The following GAK variants were observed in gnomAD, a reference collection of about 807,000 sequenced individuals.
GAK encodes the protein cyclin G associated kinase.
GAK carries 79 observed loss-of-function variants against 143.9 expected under a neutral mutation model. The observed-to-expected ratio is 0.55, with a 90% CI of 0.46 to 0.66. GAK has a LOEUF of 0.66. Among genes scored for constraint, GAK ranks in the 30% least tolerant of loss-of-function variants. The probability of loss-of-function intolerance (pLI) is 0.00; values close to 1 mark genes in which losing one functional copy is unlikely to be tolerated. For missense variants in GAK, 1,693 were observed against 1,779.7 expected, an observed-to-expected ratio of 0.95 and a Z score of 0.88; for synonymous variants, 881 against 765.5, an observed-to-expected ratio of 1.15 and a Z score of -2.49.
chr4:870,391 CAT>C (rs925979856), intron 19 of GAK, among the ~76,000 whole-genome samples: 4 of 152,224 alleles, frequency 2.6e-5, no homozygotes, highest in African/African-American at 9.7e-5. Context: ...GTCCAGCACA[CAT>C]GACAAAAATC....
intron 25 of GAK, chr4:851,315 T>A: frequency 2.2e-6 from 1 of 454,846 alleles, no homozygotes; most frequent in Non-Finnish European, 4.0e-6. Flanking sequence ...AAGCTGGTCT[T>A]GAACTCCTGG....
chr4:892,176 G>A lies in GAK; in HGVS notation c.990+1201C>T, dbSNP rs115124874. The stretch of plus-strand genomic sequence containing the variant: ...GCAGCAGCTCTGACCTTCTCCCCAC[G>A]CTCCACACCCACCGCCTGGGTCAGC... On this transcript the variant is annotated intron_variant, in intron 9 of 27. Coordinates refer to ENST00000314167, the MANE Select transcript of GAK (RefSeq NM_005255.4). Among the ~76,000 whole-genome samples, 1,464 of 152,226 alleles carry A rather than the reference G, an allele frequency of 9.6e-3. 20 individuals are homozygous for A. Among genetic ancestry groups the A allele is most frequent in the African/African-American group, 0.034 (1,392 of 41,534 alleles).
chr4:896,992 C>G (rs570535626), intron 6 of GAK, among the ~76,000 whole-genome samples: 3 of 152,198 alleles, frequency 2.0e-5, no homozygotes, highest in Admixed American at 6.5e-5. Context: ...CAAGCTCACC[C>G]GACTGGTTCA....
In GAK at chr4:851,985, G is replaced by T; in HGVS notation, c.3284-11C>A. 1 of 1,608,250 alleles carries T rather than the reference G, an allele frequency of 6.2e-7. No individual in the cohort carries two copies. Among genetic ancestry groups the T allele is most frequent in the Non-Finnish European group, 8.5e-7 (1 of 1,176,166 alleles). On this transcript the variant is annotated splice_polypyrimidine_tract_variant and intron_variant, in intron 24 of 27. Transcript: ENST00000314167. Reference sequence around the variant, plus strand: ...ATCCAGCTGGTGAGCCTGTGGAGATGGAGATCGGAAACTCGGCATCTGGTT... The same window carrying T: ...ATCCAGCTGGTGAGCCTGTGGAGATTGAGATCGGAAACTCGGCATCTGGTT...
intron 24 of GAK, among the ~76,000 whole-genome samples, chr4:858,664 A>T (rs971295929): frequency 1.3e-5 from 2 of 152,276 alleles, no homozygotes; most frequent in Non-Finnish European, 2.9e-5. Flanking sequence ...AACTCTTGGG[A>T]CTTCATGACA....
At chr4:891,614 T>C (rs946971118) in intron 9 of GAK, among the ~76,000 whole-genome samples, 1 of 151,884 alleles carries the variant, frequency 6.6e-6, no homozygotes, top group African/African-American at 2.4e-5. Context: ...CCCCGCCCCA[T>C]CACTAGGGGC....
Position 901,079 on chromosome 4 carries a change from C to T in GAK, c.526-2921G>A, listed in dbSNP as rs367785617. On this transcript the variant is annotated intron_variant, in intron 5 of 27. Transcript: ENST00000314167. ...ATTTTCAAAATCTACGTGAAGACACCTGTGCTATAAAGTAGGAGTGTACAG... is the reference window on the plus strand; with the variant it reads ...ATTTTCAAAATCTACGTGAAGACACTTGTGCTATAAAGTAGGAGTGTACAG... 3.3e-5 allele frequency among the ~76,000 whole-genome samples: 5 copies of T among 152,362 alleles called. No homozygotes were observed. In the East Asian group the frequency reaches 7.7e-4, roughly 23 times the overall value.
intron 14 of GAK, 79 bp downstream of exon 14, chr4:882,618 C>A (rs1412644632): frequency 2.0e-6 from 3 of 1,534,126 alleles, no homozygotes; most frequent in East Asian, 2.3e-5. Context: ...TCATGACTGG[C>A]GCTCAGATCC....
chr4:877,593 G>A (rs1322664884), intron 16 of GAK, 22 bp downstream of exon 16: 10 of 1,553,460 alleles, frequency 6.4e-6, no homozygotes, highest in Middle Eastern at 1.7e-4. Flanking sequence ...GGAGCACAGC[G>A]TGGGGCTGCA....
In GAK at chr4:851,994, A is replaced by G. The variant is rs758315487; in HGVS notation, c.3284-20T>C. ...GTGAGCCTGTGGAGATGGAGATCGG[A>G]AACTCGGCATCTGGTTGTCCATGAG... On this transcript the variant is annotated intron_variant, in intron 24 of 27. Coordinates refer to ENST00000314167, the MANE Select transcript of GAK (RefSeq NM_005255.4). The G allele has an allele frequency of 5.0e-6, 8 of 1,599,710 alleles. No homozygotes were observed. In the South Asian group the frequency reaches 8.9e-5, roughly 18 times the overall value.
intron 5 of GAK, among the ~76,000 whole-genome samples, chr4:900,658 C>G (rs1313323042): frequency 1.3e-5 from 2 of 152,172 alleles, no homozygotes; most frequent in Non-Finnish European, 2.9e-5. Context: ...CCTCATGGAG[C>G]CCTGCAGCCC....
At position 932,024 on chromosome 4, in the gene GAK, T is replaced by A; in HGVS notation, c.145+19A>T. 1 of 1,544,814 alleles carries A rather than the reference T, an allele frequency of 6.5e-7. No individual in the cohort carries two copies. Among genetic ancestry groups the A allele is most frequent in the Non-Finnish European group, 8.8e-7 (1 of 1,134,496 alleles). On this transcript the variant is annotated intron_variant, in intron 1 of 27. Coordinates refer to ENST00000314167, the MANE Select transcript of GAK (RefSeq NM_005255.4). The surrounding 1 kb of genome is among the most constrained non-coding windows in gnomAD (Gnocchi z 4.0). The stretch of plus-strand genomic sequence containing the variant: ...CAACACTCCGCGGCCGCACCCGCGC[T>A]GCCGACCCGGGGCCTCACCTTCGGC...
At chr4:871,132 G>A (rs1379377318) in intron 18 of GAK, among the ~76,000 whole-genome samples, 1 of 152,264 alleles carries the variant, frequency 6.6e-6, no homozygotes, top group Non-Finnish European at 1.5e-5. Flanking sequence ...CACGGCCCCA[G>A]AAGAGCATCA....
chr4:918,374 G>C (rs1208229098), intron 1 of GAK, among the ~76,000 whole-genome samples: 1 of 152,258 alleles, frequency 6.6e-6, no homozygotes, highest in Non-Finnish European at 1.5e-5. Flanking sequence ...CTGGAGATTC[G>C]AGTTAATGCA....
chr4:902,560 C>T (rs552332492), intron 5 of GAK, among the ~76,000 whole-genome samples: 8 of 136,190 alleles, frequency 5.9e-5, no homozygotes, highest in Non-Finnish European at 9.1e-5. Flanking sequence ...CCGTCAGTGC[C>T]GCTGCACTCC....
intron 1 of GAK, among the ~76,000 whole-genome samples, chr4:921,566 C>G (rs543211774): frequency 6.6e-6 from 1 of 152,180 alleles, no homozygotes; most frequent in South Asian, 2.1e-4. Flanking sequence ...ACACAGGAGA[C>G]AAATCTTCAA....
intron 1 of GAK, among the ~76,000 whole-genome samples, chr4:925,130 C>G (rs1394299887): frequency 6.6e-6 from 1 of 152,146 alleles, no homozygotes; most frequent in Non-Finnish European, 1.5e-5. Flanking sequence ...GGAGGCTGAG[C>G]AGCAAATAAG....
At position 851,157 on chromosome 4, in the gene GAK, G is replaced by A. The variant is rs895660791; in HGVS notation, c.3509-73C>T. ...CTGTCACCCAGGCCAGAGTGCAATG[G>A]CGTGATCTCAGCTCTCTGCAGCCTT... On this transcript the variant is annotated intron_variant, in intron 25 of 27. Coordinates refer to ENST00000314167, the MANE Select transcript of GAK (RefSeq NM_005255.4). The A allele has an allele frequency of 2.6e-5, 35 of 1,346,916 alleles. No individual in the cohort carries two copies. The African/African-American group carries it at 4.2e-4, about 16-fold the overall frequency. The allele number at this position is 1,346,916 out of a possible 1,614,324, so 83.4% of individuals were successfully genotyped here.
At chr4:884,218 C>G in intron 11 of GAK, 132 bp from the exon 12 acceptor site, 3 of 717,288 alleles carry the variant, frequency 4.2e-6, no homozygotes, top group Non-Finnish European at 7.2e-6. Flanking sequence ...CCAGGAGGAA[C>G]GTGTGTGTGC....
Sources: allele counts gnomAD v4.1 joint callset (sites outside exome capture counted in the v4.1 genomes callset), GRCh38; gene constraint gnomAD v4.1.1; non-coding constraint Gnocchi (gnomAD v3.1); transcripts MANE v1.5; gene names NCBI Gene and HGNC (gene_info 2026-07-23, HGNC 2026-07-21).